The following TFEC variants were observed in gnomAD, a reference collection of about 807,000 sequenced individuals.
TFEC encodes the protein transcription factor EC.
TFEC carries 31 observed loss-of-function variants against 41.6 expected under a neutral mutation model. The observed-to-expected ratio is 0.74, with a 90% CI of 0.56 to 1.01. TFEC has a LOEUF of 1.01. Ranked by LOEUF, TFEC falls within the 50% of genes least tolerant of loss-of-function variation. The pLI, the probability that TFEC is intolerant of heterozygous loss-of-function variation, is 0.00. For synonymous variants in TFEC, 143 were observed against 140.6 expected, an observed-to-expected ratio of 1.02 and a Z score of -0.12; for missense variants, 402 against 404.1, an observed-to-expected ratio of 0.99 and a Z score of 0.04.
chr7:116,027,429 C>T (rs1447835407), intron 1 of TFEC, among the ~76,000 whole-genome samples: 5 of 151,748 alleles, frequency 3.3e-5, no homozygotes, highest in Admixed American at 6.6e-5. Context: ...CAAAAAAATA[C>T]AAAAAAATAA....
chr7:115,949,447 C>G (rs887014318), intron 6 of TFEC, among the ~76,000 whole-genome samples: 10 of 152,250 alleles, frequency 6.6e-5, no homozygotes, highest in African/African-American at 1.7e-4. Flanking sequence ...TTACTTCAAA[C>G]TATACTACAA....
chr7:116,064,013 TAGA>T, intron 3 of TFEC, among the ~76,000 whole-genome samples: 1 of 152,232 alleles, frequency 6.6e-6, no homozygotes, highest in East Asian at 1.9e-4. Context: ...CTCACTTATA[TAGA>T]AGATCTAAAA....
chr7:115,974,941 C>T (rs1324272329), intron 2 of TFEC, among the ~76,000 whole-genome samples: 1 of 151,940 alleles, frequency 6.6e-6, no homozygotes, highest in African/African-American at 2.4e-5. Flanking sequence ...GCTTTACATA[C>T]ATCATTCATT....
chr7:116,050,198 GT>G (rs1248643661), intron 3 of TFEC, among the ~76,000 whole-genome samples: 3 of 152,220 alleles, frequency 2.0e-5, no homozygotes, highest in African/African-American at 2.4e-5. Flanking sequence ...CCAGGAGCTG[GT>G]TTTTTGAAAA....
At chr7:116,105,606 T>C (rs1407545197) in intron 3 of TFEC, among the ~76,000 whole-genome samples, 1 of 152,076 alleles carries the variant, frequency 6.6e-6, no homozygotes, top group Non-Finnish European at 1.5e-5. Context: ...TTGATGCTGC[T>C]AGGAAAACAT....
rs1286355771 is a variant in TFEC at position 115,951,567 on chromosome 7, GCACTCTTTAGA to G, written c.440-629_440-619del. ...ATAAATAAGTGGTTTTTATACTTTG[GCACTCTTTAGA>G]CACACCTGGAAGGATTGTTAAAATA... On this transcript the variant is annotated intron_variant, in intron 5 of 7. Coordinates refer to ENST00000265440, the MANE Select transcript of TFEC (RefSeq NM_012252.4). Among the ~76,000 whole-genome samples, 22 of 151,814 alleles carry G rather than the reference GCACTCTTTAGA, an allele frequency of 1.4e-4. 1 individual carries two copies.
intron 1 of TFEC, among the ~76,000 whole-genome samples, chr7:116,114,612 A>G (rs1797933258): frequency 6.6e-6 from 1 of 151,916 alleles, no homozygotes; most frequent in South Asian, 2.1e-4. Flanking sequence ...CTCCCATCCT[A>G]CACTTCCAGA....
intron 1 of TFEC, among the ~76,000 whole-genome samples, chr7:116,131,661 T>C (rs1798335569): frequency 6.6e-6 from 1 of 152,168 alleles, no homozygotes; most frequent in South Asian, 2.1e-4. Context: ...TTTAAACATT[T>C]TTTTCTAGCT....
At chr7:116,048,230 T>A (rs143623182) in intron 3 of TFEC, among the ~76,000 whole-genome samples, 26,273 of 152,070 alleles carry the variant, frequency 0.17, 2,365 homozygotes, top group East Asian at 0.32. Flanking sequence ...CTAAAAACCT[T>A]GAAAAAAGAT....
chr7:116,108,994 T>C (rs906803995), intron 3 of TFEC, among the ~76,000 whole-genome samples: 1 of 152,044 alleles, frequency 6.6e-6, no homozygotes, highest in African/African-American at 2.4e-5. Context: ...ATTTAATAAA[T>C]GGTGCTGGGA....
At chr7:115,968,637 C>CA (rs1426885065) in intron 3 of TFEC, among the ~76,000 whole-genome samples, 2 of 151,864 alleles carry the variant, frequency 1.3e-5, no homozygotes, top group Non-Finnish European at 2.9e-5. Context: ...GATCTAAACT[C>CA]AGAGGCTAAG....
intron 1 of TFEC, among the ~76,000 whole-genome samples, chr7:116,147,036 T>A (rs1018668033): frequency 5.3e-5 from 8 of 152,120 alleles, no homozygotes; most frequent in African/African-American, 1.9e-4. Flanking sequence ...GCGAGACATA[T>A]CTGGATAAGT....
chr7:115,939,785 T>A lies in TFEC; in HGVS notation c.*766A>T, dbSNP rs1170490875. 4.6e-5 allele frequency: 7 copies of A among 152,032 alleles called. No individual in the cohort carries two copies. The highest frequency in any genetic ancestry group is 1.4e-4 in the African/African-American group (6 of 41,420). The allele number at this position is 152,032 out of a possible 1,614,324, so 9.4% of individuals were successfully genotyped here. ...TGATGTGCATATGTGTATGTGTATGTTTGTGTGAAGGGATACAATTCTGGT... is the reference window on the plus strand; with the variant it reads ...TGATGTGCATATGTGTATGTGTATGATTGTGTGAAGGGATACAATTCTGGT... On this transcript the variant is annotated 3_prime_UTR_variant, in exon 8 of 8. Coordinates refer to ENST00000265440, the MANE Select transcript of TFEC (RefSeq NM_012252.4).
At chr7:116,122,631 G>C (rs1388178274) in intron 1 of TFEC, among the ~76,000 whole-genome samples, 5 of 152,016 alleles carry the variant, frequency 3.3e-5, no homozygotes, top group Non-Finnish European at 5.9e-5. Context: ...CTTTTTATCT[G>C]CCAGGTAGCA....
At chr7:116,029,477 C>T (rs563547659) in intron 1 of TFEC, among the ~76,000 whole-genome samples, 3 of 152,156 alleles carry the variant, frequency 2.0e-5, no homozygotes, top group East Asian at 1.9e-4. Flanking sequence ...TTTCTGAATA[C>T]GAAAGAATCA....
At position 115,961,557 on chromosome 7, in the gene TFEC, G is replaced by A. The variant is rs778547687; in HGVS notation, c.268-4764C>T. 1.9e-4 allele frequency among the ~76,000 whole-genome samples: 29 copies of A among 151,292 alleles called. 1 individual carries two copies. Among genetic ancestry groups the A allele is most frequent in the East Asian group, 2.0e-4 (1 of 5,118 alleles). Reference sequence around the variant, plus strand: ...CTAGAATAGATAATATAATAAGGCCGTAAATCAGTGAAGAACAAAACAATA... The same window carrying A: ...CTAGAATAGATAATATAATAAGGCCATAAATCAGTGAAGAACAAAACAATA... On this transcript the variant is annotated intron_variant, in intron 3 of 7. Transcript: ENST00000265440.
At chr7:116,093,182 A>T (rs1472935808) in intron 3 of TFEC, among the ~76,000 whole-genome samples, 1 of 152,122 alleles carries the variant, frequency 6.6e-6, no homozygotes, top group Non-Finnish European at 1.5e-5. Context: ...TAGTAAGAAG[A>T]CGTGACATCC....
intron 1 of TFEC, among the ~76,000 whole-genome samples, chr7:116,008,091 T>C (rs1350822327): frequency 6.6e-6 from 1 of 152,136 alleles, no homozygotes; most frequent in African/African-American, 2.4e-5. Flanking sequence ...TGGGAGGAGA[T>C]AAATCCGCTT....
chr7:116,010,692 A>T (rs1374709522), intron 1 of TFEC, among the ~76,000 whole-genome samples: 1 of 152,190 alleles, frequency 6.6e-6, no homozygotes, highest in African/African-American at 2.4e-5. Flanking sequence ...AGAACTAAAT[A>T]TGATGGATTC....
Sources: allele counts gnomAD v4.1 joint callset (sites outside exome capture counted in the v4.1 genomes callset), GRCh38; gene constraint gnomAD v4.1.1; transcripts MANE v1.5; gene names NCBI Gene and HGNC (gene_info 2026-07-23, HGNC 2026-07-21).